The following UNC5B variants were observed in gnomAD, a reference collection of about 807,000 sequenced individuals.
The protein encoded by UNC5B is netrin receptor UNC5B.
Under a neutral mutation model 103.7 loss-of-function variants are expected in UNC5B, and 56 were observed. That is an observed-to-expected ratio of 0.54 (90% CI 0.44 to 0.67). The LOEUF is 0.67. Among genes scored for constraint, UNC5B ranks in the 30% least tolerant of loss-of-function variants. The probability of loss-of-function intolerance (pLI) is 0.00; values close to 1 mark genes in which losing one functional copy is unlikely to be tolerated. For missense variants in UNC5B, 1,194 were observed against 1,284.5 expected (o/e 0.93, Z 1.08); for synonymous variants, 577 against 542.0 (o/e 1.06, Z -0.90).
At chr10:71,272,738 G>A (rs1023380622) in intron 1 of UNC5B, among the ~76,000 whole-genome samples, 2 of 152,162 alleles carry the variant, frequency 1.3e-5, no homozygotes, top group Non-Finnish European at 2.9e-5. Flanking sequence ...CTCTCTGAAC[G>A]TTGACTTTCT....
rs1438369153 is a variant in UNC5B, at chr10:71,279,843, G to A, written c.102G>A (p.Val34=). The A allele has an allele frequency of 6.2e-7, 1 of 1,613,590 alleles. No homozygotes were observed. The highest frequency in any genetic ancestry group is 1.7e-5 in the Admixed American group (1 of 60,014). ...CAGGCACTGATTCTGGCAGCGAGGT[G>A]CTCCCTGACTCCTTCCCGTCAGCGC... The part of the protein sequence containing the change: ...SQAGTDSGSE[V]LPDSFPSAPA... The change falls in exon 2 of 17, where the codon GTG becomes GTA. Residue 34 remains valine (V), a synonymous_variant. Coordinates refer to ENST00000335350, the MANE Select transcript of UNC5B (RefSeq NM_170744.5).
intron 8 of UNC5B, among the ~76,000 whole-genome samples, chr10:71,290,445 GGAA>G (rs1845217550): frequency 1.3e-5 from 2 of 152,280 alleles, no homozygotes; most frequent in South Asian, 4.1e-4. Flanking sequence ...AGCATGGAAT[GGAA>G]GAAGAGTTCA....
rs1346064736 is a variant in UNC5B, at chr10:71,296,854, GT to G, written c.2490+113del. On this transcript the variant is annotated intron_variant, in intron 15 of 16. Transcript: ENST00000335350. Reference sequence around the variant, plus strand: ...CCACGCTGGCGGAGGTGAGGGAAGGGTGGGGCAGATATTCCAGCTGCACACC... The same window carrying G: ...CCACGCTGGCGGAGGTGAGGGAAGGGGGGGCAGATATTCCAGCTGCACACC... The G allele has an allele frequency of 6.8e-4, 352 of 514,996 alleles. 7 individuals are homozygous for G. The highest frequency in any genetic ancestry group is 3.4e-3 in the African/African-American group (136 of 40,458). 31.9% of individuals were successfully genotyped at this position (514,996 alleles called of 1,614,324 possible).
At chr10:71,259,816 G>C (rs571130209) in intron 1 of UNC5B, among the ~76,000 whole-genome samples, 2 of 152,332 alleles carry the variant, frequency 1.3e-5, no homozygotes, top group African/African-American at 4.8e-5. Flanking sequence ...CAGTGGGCGT[G>C]GGTCCCTGCC....
At chr10:71,247,292 T>C (rs1418224740) in intron 1 of UNC5B, among the ~76,000 whole-genome samples, 5 of 152,014 alleles carry the variant, frequency 3.3e-5, no homozygotes, top group African/African-American at 1.2e-4. Context: ...GGCTGCAGAG[T>C]GAACATCCAG....
chr10:71,281,409 C>T (rs570306868), intron 2 of UNC5B, among the ~76,000 whole-genome samples: 3 of 151,610 alleles, frequency 2.0e-5, no homozygotes, highest in Admixed American at 2.0e-4. Context: ...GGCGCAATCT[C>T]GGCTCACTGC....
Position 71,293,743 on chromosome 10 carries a change from A to G in UNC5B, c.1985A>G (p.Tyr662Cys), listed in dbSNP as rs757225964. Reference protein sequence around the residue: ...LDEETLNTPCYCQLEPRACHI... With the variant: ...LDEETLNTPCCCQLEPRACHI... ...GAGGAGACCCTGAACACACCCTGCT[A>G]CTGCCAGCTGGAGCCCAGGGCCTGT... Residue 662 changes from tyrosine (Y) to cysteine (C), a missense_variant, in exon 13 of 17, where the codon TAC becomes TGC. Tyr to Cys is a radical substitution (Grantham distance 194, BLOSUM62 -2). Transcript: ENST00000335350. 2.5e-6 allele frequency: 4 copies of G among 1,593,596 alleles called. No homozygotes were observed. Among genetic ancestry groups the G allele is most frequent in the Non-Finnish European group, 3.4e-6 (4 of 1,169,842 alleles).
At chr10:71,246,127 A>G (rs2132264656) in intron 1 of UNC5B, among the ~76,000 whole-genome samples, 1 of 152,246 alleles carries the variant, frequency 6.6e-6, no homozygotes, top group Non-Finnish European at 1.5e-5. Flanking sequence ...TGGAAGCCTA[A>G]GGAGAAACCA....
intron 1 of UNC5B, among the ~76,000 whole-genome samples, chr10:71,274,364 AAAAAAAAAAT>A (rs1844716181): frequency 1.3e-5 from 2 of 151,494 alleles, no homozygotes; most frequent in South Asian, 2.1e-4. Context: ...GTCTCAAAAA[AAAAAAAAAAT>A]AAAATAAAAT....
rs558217887 is a variant in UNC5B, at chr10:71,280,178, C to T, written c.304+133C>T. The T allele has an allele frequency of 1.2e-5, 12 of 993,554 alleles. No homozygotes were observed. The African/African-American group carries it at 1.4e-4, about 12-fold the overall frequency. 61.5% of individuals were successfully genotyped at this position (993,554 alleles called of 1,614,324 possible). A position where few individuals can be genotyped will look rare whatever the true frequency, so the allele number is the denominator to read the frequency against. ...ATTTCCCCAAGTGCTGGCCACATGT[C>T]CCAGCCTGACTTTGGGACCATCTCC... is the stretch of plus-strand genomic sequence containing the variant. On this transcript the variant is annotated intron_variant, in intron 2 of 16. Coordinates refer to ENST00000335350, the MANE Select transcript of UNC5B (RefSeq NM_170744.5).
chr10:71,282,524 C>G (rs908477966), intron 2 of UNC5B, among the ~76,000 whole-genome samples: 6 of 152,164 alleles, frequency 3.9e-5, no homozygotes, highest in Non-Finnish European at 1.5e-5. Context: ...CATGGATGAC[C>G]CCCTTAAAAG....
At chr10:71,242,913 C>A (rs1476518933) in intron 1 of UNC5B, among the ~76,000 whole-genome samples, 1 of 152,108 alleles carries the variant, frequency 6.6e-6, no homozygotes, top group African/African-American at 2.4e-5. Context: ...ATGGAACACC[C>A]AATGAGGACC....
At chr10:71,242,316 A>G (rs1196559209) in intron 1 of UNC5B, among the ~76,000 whole-genome samples, 1 of 152,152 alleles carries the variant, frequency 6.6e-6, no homozygotes, top group Non-Finnish European at 1.5e-5. Flanking sequence ...AGTGCCCAAA[A>G]CGACATGGCC....
chr10:71,256,306 A>C (rs1002738431), intron 1 of UNC5B, among the ~76,000 whole-genome samples: 1 of 152,128 alleles, frequency 6.6e-6, no homozygotes, highest in Non-Finnish European at 1.5e-5. Context: ...CCAGGAAGGG[A>C]GCCTCCCTCC....
chr10:71,264,008 A>G (rs1844470762), intron 1 of UNC5B, among the ~76,000 whole-genome samples: 1 of 152,186 alleles, frequency 6.6e-6, no homozygotes, highest in Non-Finnish European at 1.5e-5. Flanking sequence ...GGAATGTTGA[A>G]CTAGAAGAAA....
At chr10:71,230,024 T>G (rs1406204244) in intron 1 of UNC5B, among the ~76,000 whole-genome samples, 2 of 150,718 alleles carry the variant, frequency 1.3e-5, no homozygotes, top group Non-Finnish European at 3.0e-5. Flanking sequence ...CTGGGCAAAC[T>G]GAGACAGAGC....
chr10:71,238,881 A>G (rs1843828798), intron 1 of UNC5B, among the ~76,000 whole-genome samples: 1 of 152,128 alleles, frequency 6.6e-6, no homozygotes, highest in African/African-American at 2.4e-5. Context: ...CTGGGCTCAA[A>G]TGATCTCCCG....
chr10:71,281,703 T>G (rs7920226), intron 2 of UNC5B, among the ~76,000 whole-genome samples: 140,986 of 152,046 alleles, frequency 0.93, 65,407 homozygotes, highest in Middle Eastern at 0.98. Context: ...CCACTCTTTT[T>G]CTGAGTGACC....
chr10:71,295,938 G>A lies in UNC5B; in HGVS notation c.2303G>A (p.Ser768Asn). The A allele has an allele frequency of 6.2e-7, 1 of 1,613,088 alleles. No homozygotes were observed. Among genetic ancestry groups the A allele is most frequent in the Non-Finnish European group, 8.5e-7 (1 of 1,180,012 alleles). Reference protein sequence around the residue: ...LHDLPHAHWRSKLLAKYQEIP... With the variant: ...LHDLPHAHWRNKLLAKYQEIP... ...GACCTCCCCCATGCCCATTGGAGGA[G>A]CAAGCTGCTGGCCAAATACCAGGTG... Residue 768 changes from serine to asparagine, a missense_variant, in exon 14 of 17, where the codon AGC becomes AAC. Ser to Asn is a conservative substitution (Grantham distance 46, BLOSUM62 1). Coordinates refer to ENST00000335350, the MANE Select transcript of UNC5B (RefSeq NM_170744.5).
Sources: allele counts gnomAD v4.1 joint callset (sites outside exome capture counted in the v4.1 genomes callset), GRCh38; gene constraint gnomAD v4.1.1; transcripts MANE v1.5; gene names NCBI Gene and HGNC (gene_info 2026-07-23, HGNC 2026-07-21).